Variants in CCSER1 observed in about 807,000 individuals in gnomAD.
The protein encoded by CCSER1 is coiled-coil serine rich protein 1, also known as serine-rich coiled-coil domain-containing protein 1.
CCSER1 carries 41 observed loss-of-function variants against 82.0 expected under a neutral mutation model. The observed-to-expected ratio is 0.50, with a 90% confidence interval of 0.39 to 0.65. The LOEUF (loss-of-function observed/expected upper bound fraction) is 0.65, where lower values mean the gene tolerates loss of function less well. Among genes scored for constraint, CCSER1 ranks in the 30% least tolerant of loss-of-function variants. The pLI is 0.00. For missense variants in CCSER1, 1,119 were observed against 1,064.2 expected (o/e 1.05, Z -0.72); for synonymous variants, 414 against 383.9 (o/e 1.08, Z -0.92).
intron 1 of CCSER1, among the ~76,000 whole-genome samples, chr4:90,299,680 A>G (rs1377719895): frequency 6.6e-6 from 1 of 152,092 alleles, no homozygotes; most frequent in African/African-American, 2.4e-5. Flanking sequence ...TTTAAGGGGA[A>G]ACAGCAAAAC....
chr4:91,448,781 A>T (rs1755712772), intron 10 of CCSER1, among the ~76,000 whole-genome samples: 1 of 152,094 alleles, frequency 6.6e-6, no homozygotes, highest in African/African-American at 2.4e-5. Flanking sequence ...ATGTTTATGT[A>T]TCATTGTAGG....
chr4:91,321,610 C>T (rs1395786259), intron 10 of CCSER1, among the ~76,000 whole-genome samples: 1 of 151,858 alleles, frequency 6.6e-6, no homozygotes, highest in Non-Finnish European at 1.5e-5. Context: ...TAAAAACTCT[C>T]TTTTTATTAG....
chr4:90,915,945 T>A (rs968613055), intron 8 of CCSER1, among the ~76,000 whole-genome samples: 3 of 152,098 alleles, frequency 2.0e-5, no homozygotes, highest in Non-Finnish European at 4.4e-5. Context: ...TACCTAGGAA[T>A]CCAACTTACA....
At chr4:91,261,200 G>C (rs1033808662) in intron 10 of CCSER1, among the ~76,000 whole-genome samples, 1 of 152,158 alleles carries the variant, frequency 6.6e-6, no homozygotes, top group African/African-American at 2.4e-5. Flanking sequence ...CCATGGTTGA[G>C]AGCCAGTGTT....
chr4:90,988,327 C>T (rs1314036615), intron 9 of CCSER1, among the ~76,000 whole-genome samples: 4 of 88,380 alleles, frequency 4.5e-5, no homozygotes, highest in Admixed American at 1.7e-4. Context: ...AGAGTGATAT[C>T]TTGTCTCAAA....
At chr4:91,458,565 T>C (rs1756327871) in intron 10 of CCSER1, among the ~76,000 whole-genome samples, 1 of 152,150 alleles carries the variant, frequency 6.6e-6, no homozygotes, top group Non-Finnish European at 1.5e-5. Flanking sequence ...AGAATGTCAT[T>C]GGTATTTTGA....
intron 10 of CCSER1, among the ~76,000 whole-genome samples, chr4:91,499,813 CATTT>C (rs1449371172): frequency 6.6e-6 from 1 of 151,826 alleles, no homozygotes; most frequent in Non-Finnish European, 1.5e-5. Flanking sequence ...GTGGCTCATT[CATTT>C]GTGTTTAGTG....
At position 90,309,564 on chromosome 4, in the gene CCSER1, T is replaced by C. The variant is rs1461980568; in HGVS notation, c.1280T>C (p.Ile427Thr). Reference protein sequence around the residue: ...KIIPTSGDHHIFNKTSHGYEA... With the variant: ...KIIPTSGDHHTFNKTSHGYEA... ...ATACCTACTTCTGGTGATCATCATA[T>C]TTTTAACAAAACATCACATGGATAT... Residue 427 changes from isoleucine (I) to threonine (T), a missense_variant, in exon 2 of 11, where the codon ATT (isoleucine) becomes ACT (threonine). Physicochemically the swap from Ile to Thr is moderately conservative, Grantham distance 89 (BLOSUM62 -1). Transcript: ENST00000509176. 2 of 1,604,768 alleles carry C rather than the reference T, an allele frequency of 1.2e-6. No homozygotes were observed. Among genetic ancestry groups the C allele is most frequent in the African/African-American group, 2.7e-5 (2 of 74,354 alleles).
At chr4:91,202,521 AC>A (rs1335555861) in intron 10 of CCSER1, among the ~76,000 whole-genome samples, 1 of 152,022 alleles carries the variant, frequency 6.6e-6, no homozygotes, top group Non-Finnish European at 1.5e-5. Flanking sequence ...AGCCTTTGTC[AC>A]AATGTCAAGG....
At position 90,966,844 on chromosome 4, in the gene CCSER1, A is replaced by G. The variant is rs572101763; in HGVS notation, c.2172+43397A>G. ...ATAATCCAGATTGACCTACAGATTCATCACAATTCCTATCAAAATCCCAGC... is the reference window on the plus strand; with the variant it reads ...ATAATCCAGATTGACCTACAGATTCGTCACAATTCCTATCAAAATCCCAGC... On this transcript the variant is annotated intron_variant, in intron 9 of 10. Coordinates refer to ENST00000509176, the MANE Select transcript of CCSER1 (RefSeq NM_001145065.2). Among the ~76,000 whole-genome samples, 59 of 152,228 alleles carry G rather than the reference A, an allele frequency of 3.9e-4. 1 individual carries two copies. Among genetic ancestry groups the G allele is most frequent in the Non-Finnish European group, 7.8e-4 (53 of 68,024 alleles).
chr4:90,136,083 C>T (rs760434434), intron 1 of CCSER1, among the ~76,000 whole-genome samples: 9 of 152,130 alleles, frequency 5.9e-5, no homozygotes, highest in Non-Finnish European at 1.0e-4. Flanking sequence ...TTATTTGTAT[C>T]TTATGTATTT....
chr4:90,252,664 T>A (rs113503147), intron 1 of CCSER1, among the ~76,000 whole-genome samples: 6,815 of 151,950 alleles, frequency 0.045, 398 homozygotes, highest in African/African-American at 0.13. Context: ...TTTTAAATGT[T>A]CAATTAAATT....
chr4:90,310,067 T>G (rs1457369988), intron 2 of CCSER1, among the ~76,000 whole-genome samples: 2 of 152,112 alleles, frequency 1.3e-5, no homozygotes, highest in Admixed American at 6.6e-5. Flanking sequence ...ATTTTATAAT[T>G]TCCTTTGTTA....
chr4:91,209,899 A>G (rs1666648330), intron 10 of CCSER1, among the ~76,000 whole-genome samples: 1 of 151,794 alleles, frequency 6.6e-6, no homozygotes, highest in African/African-American at 2.4e-5. Flanking sequence ...TATTCTGCCT[A>G]CTGAGAATGA....
chr4:91,029,377 G>A (rs1432590168), intron 9 of CCSER1, among the ~76,000 whole-genome samples: 1 of 151,836 alleles, frequency 6.6e-6, no homozygotes, highest in African/African-American at 2.4e-5. Flanking sequence ...TTCAAAACAA[G>A]TAAGCACATG....
At chr4:90,209,523 A>G (rs576190880) in intron 1 of CCSER1, among the ~76,000 whole-genome samples, 3 of 152,202 alleles carry the variant, frequency 2.0e-5, no homozygotes, top group Admixed American at 6.5e-5. Context: ...TGTCTGCACT[A>G]CCAGAGGGGC....
intron 3 of CCSER1, among the ~76,000 whole-genome samples, chr4:90,386,646 G>C (rs2153535277): frequency 6.6e-6 from 1 of 152,164 alleles, no homozygotes; most frequent in South Asian, 2.1e-4. Flanking sequence ...AAATAAGTAG[G>C]ACCAAATTAA....
At chr4:90,838,606 CA>C (rs1171457173) in intron 8 of CCSER1, among the ~76,000 whole-genome samples, 2 of 151,804 alleles carry the variant, frequency 1.3e-5, no homozygotes, top group African/African-American at 4.8e-5. Context: ...GCCTGCAGGA[CA>C]CCTTGGGCCA....
intron 3 of CCSER1, among the ~76,000 whole-genome samples, chr4:90,332,367 G>T (rs1167217899): frequency 6.6e-6 from 1 of 151,722 alleles, no homozygotes; most frequent in African/African-American, 2.4e-5. Flanking sequence ...CTCCCACGTA[G>T]CTGGGATTAC....
Sources: allele counts gnomAD v4.1 joint callset (sites outside exome capture counted in the v4.1 genomes callset), GRCh38; gene constraint gnomAD v4.1.1; transcripts MANE v1.5; gene names NCBI Gene and HGNC (gene_info 2026-07-23, HGNC 2026-07-21).